Variants in ASXL2 observed in about 807,000 individuals in gnomAD.
ASXL2 encodes putative Polycomb group protein ASXL2.
A neutral mutation model predicts 122.0 loss-of-function variants in ASXL2; 23 were observed. The observed-to-expected ratio is 0.19, with a 90% CI of 0.14 to 0.27. The LOEUF is 0.27. Among genes scored for constraint, ASXL2 ranks in the 10% least tolerant of loss-of-function variants. ASXL2 has a pLI of 1.00. For missense variants in ASXL2, 1,518 were observed against 1,713.8 expected, an observed-to-expected ratio of 0.89 and a Z score of 2.02; for synonymous variants, 650 against 637.0, an observed-to-expected ratio of 1.02 and a Z score of -0.31.
intron 2 of ASXL2, among the ~76,000 whole-genome samples, chr2:25,838,719 C>T (rs1242701653): frequency 6.6e-6 from 1 of 152,144 alleles, no homozygotes; most frequent in African/African-American, 2.4e-5. Context: ...AAAAGGAAAG[C>T]GCTTTTTTAA....
At chr2:25,839,399 T>C (rs111302783) in intron 2 of ASXL2, among the ~76,000 whole-genome samples, 3,393 of 152,282 alleles carry the variant, frequency 0.022, 73 homozygotes, top group Non-Finnish European at 0.032. Context: ...CATTTATCTA[T>C]AGTATAACTT....
At chr2:25,849,354 A>G (rs1157675990) in intron 1 of ASXL2, among the ~76,000 whole-genome samples, 1 of 150,096 alleles carries the variant, frequency 6.7e-6, no homozygotes, top group Non-Finnish European at 1.5e-5. Context: ...GGCTGGTTCA[A>G]GAATTCAAGA....
intron 3 of ASXL2, among the ~76,000 whole-genome samples, chr2:25,823,475 A>G (rs536280913): frequency 2.0e-5 from 3 of 152,354 alleles, no homozygotes; most frequent in East Asian, 3.9e-4. Flanking sequence ...ATTATTCTAT[A>G]TAAGTGATTA....
Position 25,878,418 on chromosome 2 carries a change from C to G in ASXL2, c.-196G>C, listed in dbSNP as rs1246712343. 3 of 601,718 alleles carry G rather than the reference C, an allele frequency of 5.0e-6. No individual in the cohort carries two copies. Among genetic ancestry groups the G allele is most frequent in the Admixed American group, 3.0e-5 (1 of 33,510 alleles). 37.3% of individuals were successfully genotyped at this position (601,718 alleles called of 1,614,324 possible). A position where few individuals can be genotyped will look rare whatever the true frequency, so the allele number is the denominator to read the frequency against. ...GTCTATGGGGCGGCCGGTCCTCTTGCTGCCGTTGCCACTGCTACCGCCGCT... is the reference window on the plus strand; with the variant it reads ...GTCTATGGGGCGGCCGGTCCTCTTGGTGCCGTTGCCACTGCTACCGCCGCT... On this transcript the variant is annotated 5_prime_UTR_variant, in exon 1 of 13. Transcript: ENST00000435504.
At chr2:25,858,835 G>GCCC (rs1386777049) in intron 1 of ASXL2, among the ~76,000 whole-genome samples, 1 of 146,448 alleles carries the variant, frequency 6.8e-6, no homozygotes, top group Non-Finnish European at 1.5e-5. Context: ...TTTTGGAGAT[G>GCCC]GAGTCTCGCT....
chr2:25,809,994 T>C (rs1374853665), intron 3 of ASXL2: 2 of 534,526 alleles, frequency 3.7e-6, no homozygotes, highest in Non-Finnish European at 3.7e-6. Flanking sequence ...CTTTGGTACA[T>C]TTTCAGTTTA....
At chr2:25,821,581 T>C (rs1388568604) in intron 3 of ASXL2, among the ~76,000 whole-genome samples, 1 of 152,158 alleles carries the variant, frequency 6.6e-6, no homozygotes, top group Non-Finnish European at 1.5e-5. Flanking sequence ...CTGACCAACA[T>C]GGTGAACCAC....
chr2:25,744,415 C>T lies in ASXL2; in HGVS notation c.1922G>A (p.Arg641His), dbSNP rs1338721842. ...AGGACTAGTGATGGAGACTGGAAAACGAGCCCTGGGAGAGACCTGCGATGG... is the reference window on the plus strand; with the variant it reads ...AGGACTAGTGATGGAGACTGGAAAATGAGCCCTGGGAGAGACCTGCGATGG... ...FHPSQVSPRA[R>H]FPVSITSPNR... The change falls in exon 13 of 13, where the codon CGT becomes CAT. Residue 641 changes from arginine (R) to histidine (H), a missense_variant. Physicochemically the swap from Arg to His is conservative, Grantham distance 29. Around this residue, in one of 8 missense-constraint regions of ASXL2, gnomAD observed 292 missense variants for 293.5 expected, o/e 1.00. Coordinates refer to ENST00000435504, the MANE Select transcript of ASXL2 (RefSeq NM_018263.6). The surrounding 1 kb of genome is among the most constrained non-coding windows in gnomAD (Gnocchi z 4.7). 17 of 1,613,372 alleles carry T rather than the reference C, an allele frequency of 1.1e-5. No homozygotes were observed. Among genetic ancestry groups the T allele is most frequent in the East Asian group, 6.7e-5 (3 of 44,890 alleles).
At position 25,736,560 on chromosome 2, in the gene ASXL2, A is replaced by C. The variant is rs1347516831; in HGVS notation, c.*5469T>G. The C allele has an allele frequency of 6.6e-6, 1 of 152,084 alleles. No homozygotes were observed. The highest frequency in any genetic ancestry group is 1.5e-5 in the Non-Finnish European group (1 of 68,012). 9.4% of individuals were successfully genotyped at this position (152,084 alleles called of 1,614,324 possible). A position where few individuals can be genotyped will look rare whatever the true frequency, so the allele number is the denominator to read the frequency against. On this transcript the variant is annotated 3_prime_UTR_variant, in exon 13 of 13. Coordinates refer to ENST00000435504, the MANE Select transcript of ASXL2 (RefSeq NM_018263.6). ...GACTGCTGTTCTCTTGGAAGGCTGAATTATCTCCAACGTCTTGGGACAACC... is the reference window on the plus strand; with the variant it reads ...GACTGCTGTTCTCTTGGAAGGCTGACTTATCTCCAACGTCTTGGGACAACC...
chr2:25,843,625 A>G (rs2089613384), intron 2 of ASXL2, among the ~76,000 whole-genome samples: 1 of 152,030 alleles, frequency 6.6e-6, no homozygotes, highest in Admixed American at 6.6e-5. Flanking sequence ...AGAAAGGGAG[A>G]GCAAATAAAA....
At position 25,749,886 on chromosome 2, in the gene ASXL2, G is replaced by A; in HGVS notation, c.1670C>T (p.Thr557Ile). 6.2e-7 allele frequency: 1 copy of A among 1,611,354 alleles called. No individual in the cohort carries two copies. The highest frequency in any genetic ancestry group is 8.5e-7 in the Non-Finnish European group (1 of 1,179,058). Residue 557 changes from threonine to isoleucine, a missense_variant, in exon 12 of 13, where the codon ACT becomes ATT. Physicochemically the swap from Thr to Ile is moderately conservative, Grantham distance 89. Around this residue, in one of 8 missense-constraint regions of ASXL2, gnomAD observed 292 missense variants for 293.5 expected, o/e 1.00. Coordinates refer to ENST00000435504, the MANE Select transcript of ASXL2 (RefSeq NM_018263.6). The stretch of plus-strand genomic sequence containing the variant: ...GCTTTCTGGGCTCTGATCAACAAGA[G>A]TTGCTAGAGGTTCTTTCATATTAGT... ...QETNMKEPLA[T>I]LVDQSPESLK...
At chr2:25,779,705 T>A (rs1011361086) in intron 5 of ASXL2, among the ~76,000 whole-genome samples, 1 of 152,170 alleles carries the variant, frequency 6.6e-6, no homozygotes, top group Non-Finnish European at 1.5e-5. Context: ...ATTAAAAATT[T>A]TAAATTATGT....
intron 5 of ASXL2, among the ~76,000 whole-genome samples, chr2:25,795,125 T>C (rs1313028884): frequency 1.3e-5 from 2 of 152,204 alleles, no homozygotes; most frequent in East Asian, 3.8e-4. Context: ...TGTGACATCA[T>C]GCGCACCTCT....
At chr2:25,794,301 TA>T (rs2088880280) in intron 5 of ASXL2, among the ~76,000 whole-genome samples, 1 of 152,164 alleles carries the variant, frequency 6.6e-6, no homozygotes, top group South Asian at 2.1e-4. Flanking sequence ...GACCAAAATC[TA>T]AACAAAACTT....
Position 25,740,863 on chromosome 2 carries a change from T to A in ASXL2, c.*1166A>T, listed in dbSNP as rs1339506447. The A allele has an allele frequency of 5.3e-6, 1 of 190,278 alleles. No individual in the cohort carries two copies. The highest frequency in any genetic ancestry group is 1.1e-5 in the Non-Finnish European group (1 of 90,880). 11.8% of individuals were successfully genotyped at this position (190,278 alleles called of 1,614,324 possible). A position where few individuals can be genotyped will look rare whatever the true frequency, so the allele number is the denominator to read the frequency against. ...CACGTATGTGTAAAGTAAGATATAATAAGATGATGTCATCCTGTTCAGATG... is the reference window on the plus strand; with the variant it reads ...CACGTATGTGTAAAGTAAGATATAAAAAGATGATGTCATCCTGTTCAGATG... On this transcript the variant is annotated 3_prime_UTR_variant, in exon 13 of 13. Transcript: ENST00000435504.
intron 3 of ASXL2, among the ~76,000 whole-genome samples, chr2:25,833,443 C>T (rs1020675022): frequency 1.3e-5 from 2 of 152,222 alleles, no homozygotes; most frequent in Admixed American, 1.3e-4. Context: ...GCCTGTAATC[C>T]CAGCACTTTG....
At chr2:25,768,293 G>A (rs1338681452) in intron 7 of ASXL2, among the ~76,000 whole-genome samples, 2 of 152,138 alleles carry the variant, frequency 1.3e-5, no homozygotes, top group Non-Finnish European at 2.9e-5. Context: ...CTTCTTATAT[G>A]CAAATCCCAG....
chr2:25,821,833 A>C (rs2089314744), intron 3 of ASXL2, among the ~76,000 whole-genome samples: 1 of 152,242 alleles, frequency 6.6e-6, no homozygotes, highest in African/African-American at 2.4e-5. Flanking sequence ...TGCTTTATTT[A>C]GAGTGTTCAT....
chr2:25,822,951 G>A (rs1299212707), intron 3 of ASXL2: 1 of 521,800 alleles, frequency 1.9e-6, no homozygotes, highest in Admixed American at 2.2e-5. Flanking sequence ...TCGGGAGTAA[G>A]GAATACTGTC....
Sources: allele counts gnomAD v4.1 joint callset (sites outside exome capture counted in the v4.1 genomes callset), GRCh38; gene constraint gnomAD v4.1.1; regional missense constraint gnomAD v4.1.1; non-coding constraint Gnocchi (gnomAD v3.1); transcripts MANE v1.5; gene names NCBI Gene and HGNC (gene_info 2026-07-23, HGNC 2026-07-21).